Variants in OXR1 observed in about 807,000 individuals in gnomAD.
The protein encoded by OXR1 is oxidation resistance 1, also known as oxidation resistance protein 1.
Under a neutral mutation model 104.6 loss-of-function variants are expected in OXR1, and 41 were observed. The ratio of observed to expected loss-of-function variants is 0.39; its 90% confidence interval spans 0.31 to 0.51. The LOEUF (loss-of-function observed/expected upper bound fraction) is 0.51. OXR1 is among the 20% of genes least tolerant of loss of function. The pLI, the probability that OXR1 is intolerant of heterozygous loss-of-function variation, is 0.77. For missense variants in OXR1, 955 were observed against 1,031.9 expected (o/e 0.93, Z 1.02); for synonymous variants, 348 against 348.4 (o/e 1.00, Z 0.01).
chr8:106,540,658 A>C (rs987937695), intron 3 of OXR1, among the ~76,000 whole-genome samples: 2 of 152,202 alleles, frequency 1.3e-5, no homozygotes, highest in Non-Finnish European at 2.9e-5. Flanking sequence ...GAGACTGGGC[A>C]ATTTACAAAG....
intron 1 of OXR1, among the ~76,000 whole-genome samples, chr8:106,276,197 G>A (rs1812029176): frequency 6.6e-6 from 1 of 152,202 alleles, no homozygotes; most frequent in Non-Finnish European, 1.5e-5. Context: ...AGTAATAGGT[G>A]CAGGCTGTAG....
chr8:106,516,657 G>T (rs1812883027), intron 2 of OXR1, among the ~76,000 whole-genome samples: 1 of 152,110 alleles, frequency 6.6e-6, no homozygotes, highest in Non-Finnish European at 1.5e-5. Context: ...CCTTTTTGTG[G>T]CAAGTAGTCA....
intron 4 of OXR1, chr8:106,682,623 T>C (rs969589134): frequency 1.3e-5 from 2 of 154,290 alleles, no homozygotes; most frequent in Non-Finnish European, 2.9e-5. Flanking sequence ...GGTTATATTA[T>C]ATTGGCCAAG....
intron 3 of OXR1, among the ~76,000 whole-genome samples, chr8:106,595,386 C>T (rs1819438633): frequency 6.6e-6 from 1 of 151,838 alleles, no homozygotes; most frequent in South Asian, 2.1e-4. Flanking sequence ...CCCGTCTCTA[C>T]TAAAAATACA....
intron 2 of OXR1, among the ~76,000 whole-genome samples, chr8:106,430,259 T>G (rs1437436159): frequency 2.6e-5 from 4 of 152,168 alleles, no homozygotes; most frequent in African/African-American, 9.7e-5. Context: ...AATGATGGAA[T>G]GGAATTAGCT....
intron 1 of OXR1, among the ~76,000 whole-genome samples, chr8:106,317,983 A>C (rs1409870197): frequency 6.6e-6 from 1 of 152,208 alleles, no homozygotes; most frequent in Non-Finnish European, 1.5e-5. Flanking sequence ...ATAGTATTGA[A>C]TGTGAGAAGA....
At chr8:106,387,483 T>G (rs1189537264) in intron 2 of OXR1, among the ~76,000 whole-genome samples, 1 of 152,152 alleles carries the variant, frequency 6.6e-6, no homozygotes, top group Non-Finnish European at 1.5e-5. Flanking sequence ...GTCATTCTTT[T>G]GAGATTGTTG....
chr8:106,683,674 A>G (rs1828405064), intron 5 of OXR1, among the ~76,000 whole-genome samples: 1 of 152,168 alleles, frequency 6.6e-6, no homozygotes, highest in South Asian at 2.1e-4. Flanking sequence ...TTCTTTCAGG[A>G]ATAATCTAGC....
At chr8:106,316,831 A>G (rs1229220427) in intron 1 of OXR1, among the ~76,000 whole-genome samples, 1 of 151,716 alleles carries the variant, frequency 6.6e-6, no homozygotes, top group Non-Finnish European at 1.5e-5. Flanking sequence ...TAGAAATTCT[A>G]AGTTTAAGGT....
intron 3 of OXR1, among the ~76,000 whole-genome samples, chr8:106,543,114 AC>A (rs1247461546): frequency 6.6e-6 from 1 of 152,208 alleles, no homozygotes; most frequent in Non-Finnish European, 1.5e-5. Flanking sequence ...GGAGGAGTCT[AC>A]AGAGCAGAAT....
At chr8:106,505,390 A>G (rs1812091510) in intron 2 of OXR1, among the ~76,000 whole-genome samples, 1 of 152,250 alleles carries the variant, frequency 6.6e-6, no homozygotes, top group Non-Finnish European at 1.5e-5. Context: ...TATTGGATAC[A>G]TAAAAGAAAT....
intron 3 of OXR1, among the ~76,000 whole-genome samples, chr8:106,571,304 C>G (rs562489615): frequency 6.6e-6 from 1 of 152,152 alleles, no homozygotes; most frequent in South Asian, 2.1e-4. Context: ...TGTGAAGGCT[C>G]TCTTCCTGGC....
chr8:106,384,731 CTTT>C (rs66711083), intron 2 of OXR1, among the ~76,000 whole-genome samples: 2 of 142,194 alleles, frequency 1.4e-5, no homozygotes, highest in African/African-American at 2.6e-5. Context: ...TTTCTTTTTT[CTTT>C]TTTTTTTTTT....
chr8:106,579,796 A>T, intron 3 of OXR1, among the ~76,000 whole-genome samples: 1 of 151,888 alleles, frequency 6.6e-6, no homozygotes, highest in Non-Finnish European at 1.5e-5. Context: ...TTGAGCCCTC[A>T]CAATCTGTCT....
intron 3 of OXR1, among the ~76,000 whole-genome samples, chr8:106,563,617 C>G (rs535023840): frequency 6.6e-6 from 1 of 152,264 alleles, no homozygotes; most frequent in Admixed American, 6.5e-5. Context: ...AGGACTTCAA[C>G]TCAGCTCTAG....
chr8:106,347,374 G>A (rs533727373), intron 1 of OXR1, among the ~76,000 whole-genome samples: 3 of 152,250 alleles, frequency 2.0e-5, no homozygotes, highest in Non-Finnish European at 4.4e-5. Context: ...GGTTATCACC[G>A]GAGAAGGTCT....
chr8:106,372,290 G>C (rs958359514), intron 2 of OXR1, among the ~76,000 whole-genome samples: 1 of 152,154 alleles, frequency 6.6e-6, no homozygotes, highest in East Asian at 1.9e-4. Context: ...CTCTCAGGTG[G>C]CCTGCCACAC....
At chr8:106,615,209 C>T (rs1354947610) in intron 3 of OXR1, among the ~76,000 whole-genome samples, 1 of 151,990 alleles carries the variant, frequency 6.6e-6, no homozygotes, top group African/African-American at 2.4e-5. Flanking sequence ...GCAGGTAGAT[C>T]ACTTGAGGTC....
rs941688504 is a variant in OXR1 at position 106,451,352 on chromosome 8, C to T, written c.24-67591C>T. ...GGCTCTAATATATATTTTATTTATA[C>T]AGATGAATTATGCCCATTTAAAAAC... is the stretch of plus-strand genomic sequence containing the variant. On this transcript the variant is annotated intron_variant, in intron 2 of 16. Transcript: ENST00000517566. Among the ~76,000 whole-genome samples, 5 of 152,096 alleles carry T rather than the reference C, an allele frequency of 3.3e-5. No homozygotes were observed. The East Asian group carries it at 9.6e-4, about 29-fold the overall frequency.
Sources: gnomAD v4.1 joint callset for allele counts (sites outside exome capture counted in the v4.1 genomes callset) on GRCh38, gnomAD v4.1.1 for gene constraint, MANE v1.5 for transcripts, NCBI Gene and HGNC (gene_info 2026-07-23, HGNC 2026-07-21) for gene names.